DPY19L2: variants seen among roughly 807,000 people sequenced by gnomAD.
The protein encoded by DPY19L2 is dpy-19 like 2, also known as probable C-mannosyltransferase DPY19L2.
In DPY19L2, 34 loss-of-function variants were observed where a neutral mutation model predicts 97.9. That is an observed-to-expected ratio of 0.35 (90% CI 0.26 to 0.46). The LOEUF (loss-of-function observed/expected upper bound fraction) is 0.46. Among genes scored for constraint, DPY19L2 ranks in the 20% least tolerant of loss-of-function variants. DPY19L2 has a pLI of 1.00. For synonymous variants in DPY19L2, 230 were observed against 307.9 expected (o/e 0.75, Z 2.65); for missense variants, 623 against 911.4 (o/e 0.68, Z 4.07).
At chr12:63,575,268 AAACGATAATGAAAAC>A (rs1159096821) in intron 19 of DPY19L2, among the ~76,000 whole-genome samples, 2 of 152,006 alleles carry the variant, frequency 1.3e-5, no homozygotes, top group Non-Finnish European at 2.9e-5. Context: ...TTCTTGAAAC[AAACGATAATGAAAAC>A]ACAACACATC....
At chr12:63,618,603 T>TTTCAGCAGA (rs143596604) in intron 9 of DPY19L2, among the ~76,000 whole-genome samples, 390 of 152,172 alleles carry the variant, frequency 2.6e-3, no homozygotes, top group African/African-American at 9.0e-3. Context: ...TGAGCAGGCA[T>TTTCAGCAGA]TTCAGCAGAT....
intron 11 of DPY19L2, among the ~76,000 whole-genome samples, chr12:63,614,914 A>C (rs1283637585): frequency 6.6e-6 from 1 of 152,104 alleles, no homozygotes; most frequent in Non-Finnish European, 1.5e-5. Flanking sequence ...GCGGTCTTAA[A>C]ACACCATTTC....
At chr12:63,654,205 T>C (rs1894654282) in intron 4 of DPY19L2, among the ~76,000 whole-genome samples, 1 of 152,046 alleles carries the variant, frequency 6.6e-6, no homozygotes, top group African/African-American at 2.4e-5. Context: ...TTATAAAATA[T>C]GTGTAAAACG....
Position 63,559,798 on chromosome 12 carries a change from A to G in DPY19L2, c.*714T>C, listed in dbSNP as rs1187783653. The stretch of plus-strand genomic sequence containing the variant: ...TTCTGTTTTACCTGGATGTTAAAAG[A>G]AAAGCCACTGGAATCTAAAGAGAGA... On this transcript the variant is annotated 3_prime_UTR_variant, in exon 22 of 22. Coordinates refer to ENST00000324472, the MANE Select transcript of DPY19L2 (RefSeq NM_173812.5). The G allele has an allele frequency of 6.6e-6, 1 of 152,122 alleles. No homozygotes were observed. Among genetic ancestry groups the G allele is most frequent in the African/African-American group, 2.4e-5 (1 of 41,416 alleles). 9.4% of individuals were successfully genotyped at this position (152,122 alleles called of 1,614,324 possible).
intron 6 of DPY19L2, among the ~76,000 whole-genome samples, chr12:63,643,240 A>G (rs1892949999): frequency 6.6e-6 from 1 of 151,876 alleles, no homozygotes; most frequent in Non-Finnish European, 1.5e-5. Context: ...TCCAATCCTT[A>G]TACTTATTAC....
chr12:63,597,992 A>C, intron 13 of DPY19L2, 82 bp from the exon 14 acceptor site: 1 of 1,129,336 alleles, frequency 8.9e-7, no homozygotes, highest in African/African-American at 1.6e-5. Context: ...TGATGTAAGA[A>C]TAACAAAGTT....
At chr12:63,580,885 G>T (rs368152597) in intron 18 of DPY19L2, 49 bp from the exon 19 acceptor site, 5 of 1,564,238 alleles carry the variant, frequency 3.2e-6, no homozygotes, top group Non-Finnish European at 4.3e-6. Flanking sequence ...GAAGAGTACC[G>T]TAGGGTCAAC....
intron 17 of DPY19L2, among the ~76,000 whole-genome samples, chr12:63,583,353 G>A (rs1377551029): frequency 6.6e-6 from 1 of 152,068 alleles, no homozygotes; most frequent in African/African-American, 2.4e-5. Context: ...ATAAAATGTT[G>A]TCTTATTTGT....
At chr12:63,599,492 C>G (rs1056190682) in intron 13 of DPY19L2, among the ~76,000 whole-genome samples, 3 of 152,044 alleles carry the variant, frequency 2.0e-5, no homozygotes, top group African/African-American at 7.2e-5. Context: ...TGTTATATTG[C>G]ATAGAGATAG....
At position 63,606,788 on chromosome 12, in the gene DPY19L2, G is replaced by T. The variant is rs1886114841; in HGVS notation, c.1278+1828C>A. On this transcript the variant is annotated intron_variant, in intron 12 of 21. Coordinates refer to ENST00000324472, the MANE Select transcript of DPY19L2 (RefSeq NM_173812.5). ...GAGGTTCCATTTCCCTTCTTGTAAT[G>T]ATTCTCATGCTTCATGATGCACACA... is the stretch of plus-strand genomic sequence containing the variant. Among the ~76,000 whole-genome samples, 5 of 152,030 alleles carry T rather than the reference G, an allele frequency of 3.3e-5. No individual in the cohort carries two copies. The South Asian group carries it at 1.0e-3, about 32-fold the overall frequency.
rs1156660664 is a variant in DPY19L2 at position 63,637,011 on chromosome 12, T to C, written c.803+7392A>G. ...TTCTCAGCACCACATCGTACTTATT[T>C]CAAAATTGACCACATAGTTGAAAGT... On this transcript the variant is annotated intron_variant, in intron 6 of 21. Coordinates refer to ENST00000324472, the MANE Select transcript of DPY19L2 (RefSeq NM_173812.5). Among the ~76,000 whole-genome samples the C allele has an allele frequency of 2.0e-5, 3 of 152,106 alleles. No individual in the cohort carries two copies. The East Asian group carries it at 5.8e-4, about 29-fold the overall frequency.
intron 11 of DPY19L2, among the ~76,000 whole-genome samples, chr12:63,614,385 GA>G (rs1887521415): frequency 6.6e-6 from 1 of 151,962 alleles, no homozygotes; most frequent in South Asian, 2.1e-4. Context: ...AAAGACTGGT[GA>G]TAAATAAATG....
At chr12:63,610,377 C>A (rs1311693774) in intron 11 of DPY19L2, among the ~76,000 whole-genome samples, 1 of 151,484 alleles carries the variant, frequency 6.6e-6, no homozygotes, top group Non-Finnish European at 1.5e-5. Context: ...TAAAATCAAT[C>A]AGAATGAAAC....
At chr12:63,621,389 A>C in intron 8 of DPY19L2, 52 bp from the exon 9 acceptor site, 1 of 827,544 alleles carries the variant, frequency 1.2e-6, no homozygotes, top group Non-Finnish European at 2.0e-6. Context: ...ATGGGCTGTC[A>C]CTGAAAAGAA....
rs202168216 is a variant in DPY19L2 at position 63,604,419 on chromosome 12, T to C, written c.1279-4033A>G. ...ACATTTGGGGAGTTTTAGCAATTACTTCTTAAAATACTATTCAGCCCCACT... is the reference window on the plus strand; with the variant it reads ...ACATTTGGGGAGTTTTAGCAATTACCTCTTAAAATACTATTCAGCCCCACT... On this transcript the variant is annotated intron_variant, in intron 12 of 21. Coordinates refer to ENST00000324472, the MANE Select transcript of DPY19L2 (RefSeq NM_173812.5). Among the ~76,000 whole-genome samples the C allele has an allele frequency of 1.5e-4, 23 of 152,290 alleles. No homozygotes were observed. The East Asian group carries it at 3.3e-3, about 22-fold the overall frequency.
chr12:63,583,823 C>T lies in DPY19L2; in HGVS notation c.1594G>A (p.Glu532Lys). 6.2e-7 allele frequency: 1 copy of T among 1,611,384 alleles called. No individual in the cohort carries two copies. The highest frequency in any genetic ancestry group is 1.1e-5 in the South Asian group (1 of 90,808). The change falls in exon 17 of 22, where the codon GAA (glutamate) becomes AAA (lysine). Residue 532 changes from glutamate to lysine, a missense_variant. Glu to Lys is a moderately conservative substitution (Grantham distance 56, BLOSUM62 1). Around this residue, in one of 6 missense-constraint regions of DPY19L2, gnomAD observed 294 missense variants for 446.2 expected, o/e 0.66. Transcript: ENST00000324472. ...AATGAAAGCTTTACCTCACTGTGTT[C>T]AAGGAGCTGTTTTCTAGAATAAAAC... ...TNIYLRKQLLEHSELAFHTLQ... is the reference protein window; with the variant it reads ...TNIYLRKQLLKHSELAFHTLQ...
At position 63,661,450 on chromosome 12, in the gene DPY19L2, A is replaced by T; in HGVS notation, c.482T>A (p.Ile161Asn). 1 of 1,599,786 alleles carries T rather than the reference A, an allele frequency of 6.3e-7. No homozygotes were observed. The highest frequency in any genetic ancestry group is 8.5e-7 in the Non-Finnish European group (1 of 1,175,234). The change falls in exon 4 of 22, where the codon ATT (isoleucine) becomes AAT (asparagine). Residue 161 changes from isoleucine (I) to asparagine (N), a missense_variant. Transcript: ENST00000324472. ...GLYYSYFKTI[I>N]EAPSFLEGLW... ...TCCTTCCAAAAACGAAGGTGCTTCA[A>T]TAATGGTCTTGAAGTATGAATAATA...
chr12:63,568,581 CA>C (rs1410146410), intron 21 of DPY19L2, among the ~76,000 whole-genome samples: 1 of 152,002 alleles, frequency 6.6e-6, no homozygotes, highest in African/African-American at 2.4e-5. Flanking sequence ...ACTTTTTGCA[CA>C]TTGTAAATGA....
chr12:63,590,990 G>A (rs535008804), intron 16 of DPY19L2: 17 of 449,286 alleles, frequency 3.8e-5, no homozygotes, highest in African/African-American at 3.4e-4. Flanking sequence ...GAAGACAGTT[G>A]CCACATACCC....
Sources: allele counts gnomAD v4.1 joint callset (sites outside exome capture counted in the v4.1 genomes callset), GRCh38; gene constraint gnomAD v4.1.1; regional missense constraint gnomAD v4.1.1; transcripts MANE v1.5; gene names NCBI Gene and HGNC (gene_info 2026-07-23, HGNC 2026-07-21).